Variants in PRKN observed in about 807,000 individuals in gnomAD.
PRKN encodes E3 ubiquitin-protein ligase parkin.
PRKN carries 56 observed loss-of-function variants against 59.5 expected under a neutral mutation model. That is an observed-to-expected ratio of 0.94 (90% CI 0.76 to 1.18). PRKN has a LOEUF of 1.18. PRKN is among the 50% of genes most tolerant of loss of function. The pLI, the probability that PRKN is intolerant of heterozygous loss-of-function variation, is 0.00. For synonymous variants in PRKN, 250 were observed against 222.1 expected, an observed-to-expected ratio of 1.13 and a Z score of -1.12; for missense variants, 657 against 596.4, an observed-to-expected ratio of 1.10 and a Z score of -1.06.
chr6:162,147,535 C>G lies in PRKN; in HGVS notation c.534+53596G>C, dbSNP rs1018277755. Among the ~76,000 whole-genome samples, 3 of 152,198 alleles carry G rather than the reference C, an allele frequency of 2.0e-5. No individual in the cohort carries two copies. The East Asian group carries it at 5.8e-4, about 29-fold the overall frequency. ...TGACAATGTGAATATCATCTTAAAGCAGATCCAGCCTAGTGAGTTCTTCTC... is the reference window on the plus strand; with the variant it reads ...TGACAATGTGAATATCATCTTAAAGGAGATCCAGCCTAGTGAGTTCTTCTC... On this transcript the variant is annotated intron_variant, in intron 4 of 11. Transcript: ENST00000366898.
At chr6:162,625,578 C>A (rs574507979) in intron 1 of PRKN, among the ~76,000 whole-genome samples, 3 of 152,152 alleles carry the variant, frequency 2.0e-5, no homozygotes, top group African/African-American at 7.2e-5. Flanking sequence ...AAATGAGTCC[C>A]TTCCTCTTTT....
intron 4 of PRKN, among the ~76,000 whole-genome samples, chr6:162,155,840 C>A (rs1374637346): frequency 1.3e-5 from 2 of 149,614 alleles, no homozygotes; most frequent in Non-Finnish European, 3.0e-5. Context: ...ACAAATTTGG[C>A]TAAAGAAGGA....
intron 1 of PRKN, chr6:162,569,149 G>T: frequency 1.6e-6 from 1 of 616,060 alleles, no homozygotes. Context: ...GAGGCTAAGA[G>T]CATGTACCAG....
At chr6:162,582,321 C>T (rs762317180) in intron 1 of PRKN, among the ~76,000 whole-genome samples, 4 of 152,116 alleles carry the variant, frequency 2.6e-5, no homozygotes, top group Non-Finnish European at 4.4e-5. Flanking sequence ...AAACAAAATA[C>T]ACTGGAATGA....
At chr6:161,398,307 C>T (rs139269080) in intron 9 of PRKN, among the ~76,000 whole-genome samples, 127 of 152,158 alleles carry the variant, frequency 8.3e-4, no homozygotes, top group African/African-American at 1.7e-3. Context: ...ATTGAAGGGA[C>T]GCCCATCCAT....
chr6:162,474,768 G>A (rs975504220), intron 1 of PRKN, among the ~76,000 whole-genome samples: 1 of 152,134 alleles, frequency 6.6e-6, no homozygotes, highest in Non-Finnish European at 1.5e-5. Flanking sequence ...TGAATATCAA[G>A]TGATCAGAAA....
chr6:161,452,772 T>C (rs60472571), intron 9 of PRKN, among the ~76,000 whole-genome samples: 20,727 of 152,018 alleles, frequency 0.14, 1,779 homozygotes, highest in African/African-American at 0.23. Flanking sequence ...GTGGGTTCCA[T>C]GGAGCCCTAT....
rs5881490 is a variant in PRKN at position 162,671,497 on chromosome 6, C to CA, written c.7+56164dup. 1.5e-3 allele frequency among the ~76,000 whole-genome samples: 167 copies of CA among 111,554 alleles called. 1 individual carries two copies. Among genetic ancestry groups the CA allele is most frequent in the South Asian group, 8.3e-3 (27 of 3,238 alleles). 73.2% of individuals were successfully genotyped at this position (111,554 alleles called of 152,430 possible). Reference sequence around the variant, plus strand: ...CTGGCAATAGAGCGAGACTCTGTCTCAAAAAAAAAAAAAAAAAAGAGTCAA... The same window carrying CA: ...CTGGCAATAGAGCGAGACTCTGTCTCAAAAAAAAAAAAAAAAAAAGAGTCAA... On this transcript the variant is annotated intron_variant, in intron 1 of 11. Coordinates refer to ENST00000366898, the MANE Select transcript of PRKN (RefSeq NM_004562.3).
Position 162,443,366 on chromosome 6 carries a change from C to T in PRKN, c.115G>A (p.Asp39Asn), listed in dbSNP as rs1790154440. ...CCTGCGAAAATCACACGCAACTGGT[C>T]AGCCGGAACCCCCTGTCGCTTAGCA... ...VVAKRQGVPA[D>N]QLRVIFAGKE... is the part of the protein sequence containing the mutation. Residue 39 changes from aspartate to asparagine, a missense_variant, in exon 2 of 12, where the codon GAC (aspartate) becomes AAC (asparagine). Physicochemically the swap from Asp to Asn is conservative, Grantham distance 23. Transcript: ENST00000366898. 1 of 1,613,594 alleles carries T rather than the reference C, an allele frequency of 6.2e-7. No homozygotes were observed. Among genetic ancestry groups the T allele is most frequent in the Non-Finnish European group, 8.5e-7 (1 of 1,180,010 alleles).
chr6:162,367,224 T>C (rs950902252), intron 2 of PRKN, among the ~76,000 whole-genome samples: 1 of 152,274 alleles, frequency 6.6e-6, no homozygotes, highest in Admixed American at 6.5e-5. Context: ...TTGCTTCCCC[T>C]TCCACCATGA....
At chr6:161,819,321 T>C (rs1465213373) in intron 6 of PRKN, among the ~76,000 whole-genome samples, 1 of 151,984 alleles carries the variant, frequency 6.6e-6, no homozygotes, top group Non-Finnish European at 1.5e-5. Flanking sequence ...TGAAACCCTA[T>C]CTCTACTAAA....
At chr6:161,712,429 T>C (rs1187986012) in intron 7 of PRKN, among the ~76,000 whole-genome samples, 2 of 152,118 alleles carry the variant, frequency 1.3e-5, no homozygotes, top group Non-Finnish European at 2.9e-5. Context: ...TCAAAGAACA[T>C]CTATGACACC....
chr6:162,313,044 A>C (rs756369829), intron 2 of PRKN, among the ~76,000 whole-genome samples: 1 of 152,204 alleles, frequency 6.6e-6, no homozygotes, highest in Non-Finnish European at 1.5e-5. Flanking sequence ...AGAAAGAATT[A>C]TTCATGCAAT....
intron 1 of PRKN, among the ~76,000 whole-genome samples, chr6:162,640,104 C>T (rs1331206859): frequency 6.6e-6 from 1 of 151,916 alleles, no homozygotes; most frequent in Admixed American, 6.6e-5. Context: ...GAAATCATAC[C>T]TTCTGTGAAG....
chr6:162,193,885 T>C (rs1415428436), intron 4 of PRKN, among the ~76,000 whole-genome samples: 1 of 151,998 alleles, frequency 6.6e-6, no homozygotes, highest in African/African-American at 2.4e-5. Context: ...ACAATGAACA[T>C]CCCTAAAATG....
chr6:161,754,608 C>A (rs991451200), intron 7 of PRKN, among the ~76,000 whole-genome samples: 1 of 152,158 alleles, frequency 6.6e-6, no homozygotes, highest in South Asian at 2.1e-4. Flanking sequence ...GGGGGCTGAG[C>A]CCTCCCATGG....
At chr6:161,994,087 G>A (rs775326789) in intron 5 of PRKN, among the ~76,000 whole-genome samples, 2 of 151,976 alleles carry the variant, frequency 1.3e-5, no homozygotes, top group East Asian at 1.9e-4. Context: ...ATAGCAACCC[G>A]TTATGAACAT....
At chr6:162,353,219 A>G (rs558158920) in intron 2 of PRKN, among the ~76,000 whole-genome samples, 41 of 152,258 alleles carry the variant, frequency 2.7e-4, no homozygotes, top group Non-Finnish European at 5.4e-4. Flanking sequence ...CCCCTTAAGC[A>G]ATGAAAGTCA....
intron 2 of PRKN, among the ~76,000 whole-genome samples, chr6:162,301,100 A>G (rs1781927719): frequency 6.6e-6 from 1 of 152,116 alleles, no homozygotes; most frequent in Admixed American, 6.6e-5. Context: ...TTGTATACAC[A>G]TATATCAACA....
Sources: gnomAD v4.1 joint callset for allele counts (sites outside exome capture counted in the v4.1 genomes callset) on GRCh38, gnomAD v4.1.1 for gene constraint, MANE v1.5 for transcripts, NCBI Gene and HGNC (gene_info 2026-07-23, HGNC 2026-07-21) for gene names.